The following PSG5 variants were observed in gnomAD, a reference collection of about 807,000 sequenced individuals.
PSG5 encodes pregnancy specific beta-1-glycoprotein 5.
PSG5 carries 53 observed loss-of-function variants against 37.7 expected under a neutral mutation model. The ratio of observed to expected loss-of-function variants is 1.41; its 90% CI spans 1.13 to 1.77. PSG5 has a LOEUF of 1.77. Among genes scored for constraint, PSG5 ranks in the 40% most tolerant of loss-of-function variants. The pLI, the probability that PSG5 is intolerant of heterozygous loss-of-function variation, is 0.00. For synonymous variants in PSG5, 221 were observed against 155.4 expected (o/e 1.42, Z -3.14); for missense variants, 547 against 405.2 (o/e 1.35, Z -3.00).
intron 3 of PSG5, 136 bp from the exon 4 acceptor site, chr19:43,175,605 G>A: frequency 6.9e-7 from 1 of 1,443,204 alleles, no homozygotes; most frequent in South Asian, 1.4e-5. Flanking sequence ...TATATTCACT[G>A]AGCCAAAGCC....
Position 43,184,322 on chromosome 19 carries a change from T to G in PSG5, c.430+460A>C, listed in dbSNP as rs528198039. On this transcript the variant is annotated intron_variant, in intron 2 of 5. Coordinates refer to ENST00000342951, the MANE Select transcript of PSG5 (RefSeq NM_002781.4). ...CTTGGTCCCAGTAAGGCCTGCCCAA[T>G]AAGCCACAACCCAGCACTGGCACAG... Among the ~76,000 whole-genome samples, 614 of 151,690 alleles carry G rather than the reference T, an allele frequency of 4.0e-3. 23 individuals are homozygous for G. The highest frequency in any genetic ancestry group is 0.012 in the African/African-American group (499 of 41,248).
intron 2 of PSG5, chr19:43,178,957 T>A: frequency 6.2e-7 from 1 of 1,612,844 alleles, no homozygotes; most frequent in Middle Eastern, 1.7e-4. Flanking sequence ...GGTCCTGCAA[T>A]ATACTTTGTG....
At chr19:43,176,666 G>C (rs2122218661) in intron 2 of PSG5, among the ~76,000 whole-genome samples, 1 of 151,156 alleles carries the variant, frequency 6.6e-6, no homozygotes, top group Non-Finnish European at 1.5e-5. Context: ...TGTTTCAGCA[G>C]AAATAACACA....
chr19:43,173,080 G>A (rs1321043896), intron 4 of PSG5, among the ~76,000 whole-genome samples: 1 of 151,578 alleles, frequency 6.6e-6, no homozygotes. Flanking sequence ...TGCATATATG[G>A]CCAAATGATT....
At position 43,174,906 on chromosome 19, in the gene PSG5, A is replaced by G. The variant is rs570418070; in HGVS notation, c.964+309T>C. On this transcript the variant is annotated intron_variant, in intron 4 of 5. Transcript: ENST00000342951. ...AGGGGATGTGTTGGTGACATCGAGAAGCAACTTGATCTTGAGGACTCTCCT... is the reference window on the plus strand; with the variant it reads ...AGGGGATGTGTTGGTGACATCGAGAGGCAACTTGATCTTGAGGACTCTCCT... 4.9e-6 allele frequency: 6 copies of G among 1,233,208 alleles called. No homozygotes were observed. In the African/African-American group the frequency reaches 6.2e-5, roughly 13 times the overall value. The allele number at this position is 1,233,208 out of a possible 1,614,324, so 76.4% of individuals were successfully genotyped here. A position where few individuals can be genotyped will look rare whatever the true frequency, so the allele number is the denominator to read the frequency against.
Position 43,184,992 on chromosome 19 carries a change from C to T in PSG5, c.220G>A (p.Asp74Asn), listed in dbSNP as rs776252761. The T allele has an allele frequency of 1.7e-5, 28 of 1,612,308 alleles. No homozygotes were observed. Among genetic ancestry groups the T allele is most frequent in the Middle Eastern group, 1.6e-4 (1 of 6,078 alleles). The change falls in exon 2 of 6, where the codon GAC becomes AAC. Residue 74 changes from aspartate (D) to asparagine (N), a missense_variant. Coordinates refer to ENST00000342951, the MANE Select transcript of PSG5 (RefSeq NM_002781.4). ...GYIWYKGQLM[D>N]LYHYITSYVV... ...TATGATGTAATGTAATGGTAGAGGT[C>T]CATCAGTTGTCCTTTGTACCAGATG...
chr19:43,178,705 G>C (rs568954703), intron 2 of PSG5, among the ~76,000 whole-genome samples: 5 of 151,762 alleles, frequency 3.3e-5, no homozygotes, highest in African/African-American at 1.2e-4. Context: ...TTCTCCTATT[G>C]TGGATCAAGC....
At chr19:43,170,547 G>C in intron 4 of PSG5, 3 of 414,026 alleles carry the variant, frequency 7.2e-6, no homozygotes, top group South Asian at 4.2e-5. Context: ...GAAGGCCCAC[G>C]TCCGTGCATT....
At position 43,186,478 on chromosome 19, in the gene PSG5, G is replaced by C. The variant is rs1354369816; in HGVS notation, c.-73C>G. ...CAGAAACTTCCTGAGCACGGCTGTA[G>C]GCTGTGCTGTCCTTCCTCCTTCTGT... On this transcript the variant is annotated 5_prime_UTR_variant, in exon 1 of 6. Coordinates refer to ENST00000342951, the MANE Select transcript of PSG5 (RefSeq NM_002781.4). 4 of 1,596,490 alleles carry C rather than the reference G, an allele frequency of 2.5e-6. No individual in the cohort carries two copies. The East Asian group carries it at 8.9e-5, about 36-fold the overall frequency.
intron 2 of PSG5, among the ~76,000 whole-genome samples, chr19:43,184,461 G>A (rs1196058637): frequency 2.0e-5 from 3 of 151,610 alleles, no homozygotes; most frequent in South Asian, 2.1e-4. Context: ...GCCCTACTCA[G>A]TTCTCCAGGG....
Position 43,172,356 on chromosome 19 carries a change from C to T in PSG5, c.965-2218G>A, listed in dbSNP as rs536297685. 4.6e-5 allele frequency among the ~76,000 whole-genome samples: 7 copies of T among 151,634 alleles called. No homozygotes were observed. In the South Asian group the frequency reaches 1.2e-3, roughly 27 times the overall value. ...AAGACAAGGATGCCTGCTTTTGACA[C>T]TTTTATTCAACATAGTATTGAAAGG... On this transcript the variant is annotated intron_variant, in intron 4 of 5. Coordinates refer to ENST00000342951, the MANE Select transcript of PSG5 (RefSeq NM_002781.4).
Position 43,175,996 on chromosome 19 carries a change from G to A in PSG5, c.583C>T (p.Arg195Ter), listed in dbSNP as rs1421766335. Residue 195 changes from arginine to a stop codon, truncating the protein, a stop_gained, in exon 3 of 6, where the codon CGA becomes TGA. Transcript: ENST00000342951. LOFTEE classifies it high-confidence loss of function. ...QSLPVSPRVKRPIENRILILP... is the reference protein window; with the variant it reads ...QSLPVSPRVK ...ATGAGGATCCTGTTTTCAATGGGTC[G>A]CTTTACCCTGGGACTGACCGGGAGG... is the stretch of plus-strand genomic sequence containing the variant. The A allele has an allele frequency of 1.3e-5, 21 of 1,611,284 alleles. 1 individual carries two copies. Among genetic ancestry groups the A allele is most frequent in the African/African-American group, 2.7e-5 (2 of 74,410 alleles).
rs1215415234 is a variant in PSG5 at position 43,171,462 on chromosome 19, G to C, written c.965-1324C>G. 3.6e-5 allele frequency: 7 copies of C among 194,234 alleles called. No individual in the cohort carries two copies. In the East Asian group the frequency reaches 8.3e-4, roughly 23 times the overall value. The allele number at this position is 194,234 out of a possible 1,614,324, so 12.0% of individuals were successfully genotyped here. On this transcript the variant is annotated intron_variant, in intron 4 of 5. Coordinates refer to ENST00000342951, the MANE Select transcript of PSG5 (RefSeq NM_002781.4). ...GTCAACAACCTACTTTAATACTTCA[G>C]GATATGAAAGAAGAACAAACTAAAC...
chr19:43,170,815 C>T (rs1237565396), intron 4 of PSG5: 1 of 152,656 alleles, frequency 6.6e-6, no homozygotes, highest in African/African-American at 2.4e-5. Context: ...CCCACATTCC[C>T]TCACAGGTGT....
chr19:43,180,007 A>G, intron 2 of PSG5, among the ~76,000 whole-genome samples: 1 of 151,766 alleles, frequency 6.6e-6, no homozygotes, highest in Non-Finnish European at 1.5e-5. Flanking sequence ...TCATGAACTG[A>G]TGATGGAAGT....
rs752636512 is a variant in PSG5, at chr19:43,168,015, T to C, written c.*229A>G. ...GAGTTTTTTTCTTCTTTGTCTAGAA[T>C]TTCATGAAGGTATCAGCCTGTTCAT... On this transcript the variant is annotated 3_prime_UTR_variant, in exon 6 of 6. Coordinates refer to ENST00000342951, the MANE Select transcript of PSG5 (RefSeq NM_002781.4). The C allele has an allele frequency of 4.9e-6, 2 of 412,030 alleles. No individual in the cohort carries two copies. Among genetic ancestry groups the C allele is most frequent in the Admixed American group, 4.4e-5 (1 of 22,572 alleles). 25.5% of individuals were successfully genotyped at this position (412,030 alleles called of 1,614,324 possible). A position where few individuals can be genotyped will look rare whatever the true frequency, so the allele number is the denominator to read the frequency against.
At chr19:43,174,630 C>A (rs1031583416) in intron 4 of PSG5, 23 of 977,296 alleles carry the variant, frequency 2.4e-5, no homozygotes, top group Non-Finnish European at 2.7e-5. Flanking sequence ...ACTGGCAGCT[C>A]GATTTAGCCA....
chr19:43,178,453 A>G (rs2355439), intron 2 of PSG5, among the ~76,000 whole-genome samples: 2 of 151,864 alleles, frequency 1.3e-5, no homozygotes, highest in African/African-American at 2.4e-5. Flanking sequence ...TGTATGAGGA[A>G]GAAATGGTGG....
intron 2 of PSG5, chr19:43,179,075 A>C: frequency 1.2e-6 from 2 of 1,612,118 alleles, no homozygotes; most frequent in Non-Finnish European, 1.7e-6. Flanking sequence ...CTGAAGCCGC[A>C]GGATCACAGG....
Sources: allele counts gnomAD v4.1 joint callset (sites outside exome capture counted in the v4.1 genomes callset), GRCh38; gene constraint gnomAD v4.1.1; transcripts MANE v1.5; gene names NCBI Gene and HGNC (gene_info 2026-07-23, HGNC 2026-07-21).